The following ALK variants were observed in gnomAD, a reference collection of about 807,000 sequenced individuals.
The protein encoded by ALK is ALK receptor tyrosine kinase.
A neutral mutation model predicts 163.1 loss-of-function variants in ALK; 74 were observed. The observed-to-expected ratio is 0.45, with a 90% CI of 0.38 to 0.55. ALK has a LOEUF of 0.55. Among genes scored for constraint, ALK ranks in the 20% least tolerant of loss-of-function variants. The pLI is 0.00. For missense variants in ALK, 2,063 were observed against 2,105.3 expected (o/e 0.98, Z 0.39); for synonymous variants, 960 against 843.2 (o/e 1.14, Z -2.40).
At chr2:29,855,054 G>A (rs1666103031) in intron 1 of ALK, among the ~76,000 whole-genome samples, 1 of 152,126 alleles carries the variant, frequency 6.6e-6, no homozygotes, top group Non-Finnish European at 1.5e-5. Context: ...TAGACTGTGT[G>A]CTACATGAGG....
intron 2 of ALK, among the ~76,000 whole-genome samples, chr2:29,706,904 T>G (rs1157669086): frequency 1.3e-5 from 2 of 151,110 alleles, no homozygotes; most frequent in Non-Finnish European, 2.9e-5. Flanking sequence ...GTAAGAGAGT[T>G]GAGACCAGAA....
chr2:29,570,052 C>A (rs977998700), intron 3 of ALK, among the ~76,000 whole-genome samples: 18 of 152,206 alleles, frequency 1.2e-4, no homozygotes, highest in African/African-American at 4.8e-5. Flanking sequence ...ACTGTGGAAA[C>A]AACTAGCAAA....
intron 3 of ALK, among the ~76,000 whole-genome samples, chr2:29,661,361 T>C (rs1677340503): frequency 6.6e-6 from 1 of 152,130 alleles, no homozygotes; most frequent in Admixed American, 6.5e-5. Context: ...GAGAGAGGCA[T>C]TGCCATTTTG....
intron 1 of ALK, among the ~76,000 whole-genome samples, chr2:29,771,812 G>T (rs1461789679): frequency 6.6e-6 from 1 of 151,796 alleles, no homozygotes; most frequent in Non-Finnish European, 1.5e-5. Flanking sequence ...GGGATTACAG[G>T]CATGAGCCAC....
chr2:29,264,301 C>T (rs1313505940), intron 11 of ALK, among the ~76,000 whole-genome samples: 6 of 152,218 alleles, frequency 3.9e-5, no homozygotes, highest in Non-Finnish European at 8.8e-5. Flanking sequence ...GAAGTAGCAT[C>T]TTAATATTAG....
chr2:29,773,976 G>A (rs1477833837), intron 1 of ALK, among the ~76,000 whole-genome samples: 1 of 152,182 alleles, frequency 6.6e-6, no homozygotes, highest in Non-Finnish European at 1.5e-5. Flanking sequence ...GAGCTAGTCT[G>A]TTGTGGAAAA....
chr2:29,475,387 T>C (rs897083694), intron 4 of ALK, among the ~76,000 whole-genome samples: 3 of 151,980 alleles, frequency 2.0e-5, no homozygotes, highest in African/African-American at 7.3e-5. Context: ...CCCCAAGAGG[T>C]GAACTCTCCT....
intron 21 of ALK, 23 bp from the exon 22 acceptor site, chr2:29,222,431 G>GGGA (rs775243091): frequency 1.3e-5 from 21 of 1,613,732 alleles, no homozygotes; most frequent in East Asian, 4.5e-5. Context: ...GGGGAGGGTG[G>GGGA]GGAGGAGGAG....
chr2:29,205,726 T>A (rs1382666626), intron 26 of ALK, among the ~76,000 whole-genome samples: 1 of 152,142 alleles, frequency 6.6e-6, no homozygotes, highest in African/African-American at 2.4e-5. Flanking sequence ...ATACTTGCGA[T>A]GGCATTTAGG....
intron 3 of ALK, among the ~76,000 whole-genome samples, chr2:29,668,965 C>T (rs79974949): frequency 0.053 from 8,100 of 152,020 alleles, 320 homozygotes; most frequent in African/African-American, 0.1. Flanking sequence ...AAGACCTGCC[C>T]CCATGATTCA....
chr2:29,589,107 C>T (rs1008277971), intron 3 of ALK, among the ~76,000 whole-genome samples: 3 of 152,160 alleles, frequency 2.0e-5, no homozygotes, highest in Non-Finnish European at 4.4e-5. Flanking sequence ...GTTCAACCAC[C>T]GAGCAAGCGA....
At chr2:29,855,182 A>T (rs1277932670) in intron 1 of ALK, among the ~76,000 whole-genome samples, 1 of 152,250 alleles carries the variant, frequency 6.6e-6, no homozygotes, top group African/African-American at 2.4e-5. Context: ...GGAACAAGCT[A>T]GCACCCTGGC....
intron 4 of ALK, among the ~76,000 whole-genome samples, chr2:29,467,027 T>G (rs753200126): frequency 1.6e-4 from 24 of 152,186 alleles, no homozygotes; most frequent in Non-Finnish European, 2.6e-4. Context: ...GTAAGGCTGT[T>G]AATAATTTCA....
At chr2:29,914,144 G>C (rs1667772527) in intron 1 of ALK, among the ~76,000 whole-genome samples, 1 of 152,192 alleles carries the variant, frequency 6.6e-6, no homozygotes, top group African/African-American at 2.4e-5. Flanking sequence ...AAAGTCAAAA[G>C]GCTTACGAGA....
chr2:29,300,213 C>T (rs893744988), intron 8 of ALK, among the ~76,000 whole-genome samples: 2 of 66,172 alleles, frequency 3.0e-5, no homozygotes, highest in African/African-American at 6.9e-5. Flanking sequence ...TCTTGAGATG[C>T]CCAAGAGTGG....
intron 4 of ALK, among the ~76,000 whole-genome samples, chr2:29,479,594 T>A (rs3885973): frequency 0.5 from 76,342 of 152,030 alleles, 20,400 homozygotes; most frequent in South Asian, 0.64. Flanking sequence ...TCCTTTAGGA[T>A]AAATTGTAGC....
intron 2 of ALK, among the ~76,000 whole-genome samples, chr2:29,715,718 A>G (rs72851924): frequency 0.015 from 2,344 of 152,352 alleles, 62 homozygotes; most frequent in African/African-American, 0.054. Context: ...ATGTTACCTG[A>G]AGACCAGTTG....
chr2:29,323,071 A>G (rs1361184978), intron 6 of ALK, among the ~76,000 whole-genome samples: 1 of 152,094 alleles, frequency 6.6e-6, no homozygotes, highest in Non-Finnish European at 1.5e-5. Flanking sequence ...TAGCCTCACC[A>G]CTTCCTGCTT....
At chr2:29,559,668 A>G (rs1464830378) in intron 3 of ALK, among the ~76,000 whole-genome samples, 2 of 152,160 alleles carry the variant, frequency 1.3e-5, no homozygotes, top group East Asian at 3.8e-4. Context: ...TTATTGCAAC[A>G]TTCTGTAAAG....
Sources: allele counts gnomAD v4.1 joint callset (sites outside exome capture counted in the v4.1 genomes callset), GRCh38; gene constraint gnomAD v4.1.1; transcripts MANE v1.5; gene names NCBI Gene and HGNC (gene_info 2026-07-23, HGNC 2026-07-21).